Variants in PKP1 observed in about 807,000 individuals in gnomAD.
PKP1 encodes plakophilin 1.
In PKP1, 27 loss-of-function variants were observed where a neutral mutation model predicts 76.4. The observed-to-expected ratio is 0.35, with a 90% CI of 0.26 to 0.49. PKP1 has a LOEUF of 0.49. Ranked by LOEUF, PKP1 falls within the 20% of genes least tolerant of loss-of-function variation. The pLI is 0.99. For synonymous variants in PKP1, 404 were observed against 384.2 expected (o/e 1.05, Z -0.60); for missense variants, 964 against 955.2 (o/e 1.01, Z -0.12).
chr1:201,290,061 G>A (rs1163263074), intron 1 of PKP1, among the ~76,000 whole-genome samples: 1 of 152,112 alleles, frequency 6.6e-6, no homozygotes, highest in Non-Finnish European at 1.5e-5. Context: ...GTTTTGAGGC[G>A]AGAAAGCTTG....
chr1:201,305,107 T>G (rs761368955), intron 2 of PKP1, among the ~76,000 whole-genome samples: 1 of 152,148 alleles, frequency 6.6e-6, no homozygotes, highest in Non-Finnish European at 1.5e-5. Flanking sequence ...GGAGTGCATA[T>G]AGAAGTGTGT....
chr1:201,285,194 A>C (rs1393649900), intron 1 of PKP1, among the ~76,000 whole-genome samples: 1 of 151,278 alleles, frequency 6.6e-6, no homozygotes, highest in Non-Finnish European at 1.5e-5. Flanking sequence ...GGAAGGAGAC[A>C]AAAGAAACCG....
At chr1:201,317,877 C>T in intron 5 of PKP1, 98 bp downstream of exon 5, 1 of 1,167,346 alleles carries the variant, frequency 8.6e-7, no homozygotes, top group Non-Finnish European at 1.2e-6. Flanking sequence ...CCAGGCTGGG[C>T]CAAGACACAG....
intron 1 of PKP1, among the ~76,000 whole-genome samples, chr1:201,288,842 G>A (rs1655815663): frequency 6.6e-6 from 1 of 152,176 alleles, no homozygotes. Context: ...AGAGCAGCAG[G>A]ATTGTGGCAG....
At chr1:201,291,499 C>T (rs1466240107) in intron 1 of PKP1, among the ~76,000 whole-genome samples, 2 of 152,034 alleles carry the variant, frequency 1.3e-5, no homozygotes, top group Non-Finnish European at 2.9e-5. Flanking sequence ...CAGGGTGTGG[C>T]GGGAGGAGAT....
chr1:201,324,923 A>G lies in PKP1; in HGVS notation c.1835-18A>G, dbSNP rs1387438330. On this transcript the variant is annotated intron_variant, in intron 10 of 13. Coordinates refer to ENST00000367324, the MANE Select transcript of PKP1 (RefSeq NM_001005337.3). ...CCCAGTCATCCTGACCCTGTGCCCC[A>G]ACTCGTTCCTCTCCCAGGGAACCAG... 1 of 1,611,936 alleles carries G rather than the reference A, an allele frequency of 6.2e-7. No homozygotes were observed. Among genetic ancestry groups the G allele is most frequent in the Non-Finnish European group, 8.5e-7 (1 of 1,179,088 alleles).
rs551491705 is a variant in PKP1, at chr1:201,294,431, G to A, written c.306+386G>A. On this transcript the variant is annotated intron_variant, in intron 2 of 13. Transcript: ENST00000367324. ...AAAGGGTCATCTCTGTTCGTTCTGT[G>A]CCTATGGTCAAAGAGCCAAGAGAAC... is the stretch of plus-strand genomic sequence containing the variant. 7.2e-5 allele frequency among the ~76,000 whole-genome samples: 11 copies of A among 152,234 alleles called. No individual in the cohort carries two copies. The East Asian group carries it at 1.2e-3, about 16-fold the overall frequency.
intron 2 of PKP1, among the ~76,000 whole-genome samples, chr1:201,307,904 C>T (rs1656416541): frequency 6.6e-6 from 1 of 152,228 alleles, no homozygotes; most frequent in Non-Finnish European, 1.5e-5. Flanking sequence ...GAAGATGGCC[C>T]TGTTGGACAC....
chr1:201,319,784 C>T (rs1441584853), intron 6 of PKP1: 6 of 1,611,596 alleles, frequency 3.7e-6, no homozygotes, highest in Non-Finnish European at 4.2e-6. Flanking sequence ...ACTTCTGATC[C>T]AGCATCAACA....
chr1:201,306,205 G>A (rs558797616), intron 2 of PKP1, among the ~76,000 whole-genome samples: 3 of 152,206 alleles, frequency 2.0e-5, no homozygotes, highest in African/African-American at 4.8e-5. Flanking sequence ...GAAACATTTC[G>A]GAAAACCTGT....
At position 201,283,920 on chromosome 1, in the gene PKP1, C is replaced by G; in HGVS notation, c.202+16C>G. The G allele has an allele frequency of 6.2e-7, 1 of 1,610,456 alleles. No individual in the cohort carries two copies. The highest frequency in any genetic ancestry group is 8.5e-7 in the Non-Finnish European group (1 of 1,176,878). ...TCCAATCGAGGTAAAGGCTCGGCCC[C>G]CGCGTGGTCCGTGCGCCCCTTTCCA... On this transcript the variant is annotated intron_variant, in intron 1 of 13. Coordinates refer to ENST00000367324, the MANE Select transcript of PKP1 (RefSeq NM_001005337.3).
rs780919334 is a variant in PKP1, at chr1:201,283,681, G to GCGCCACC, written c.-17_-11dup. ...CTCTGCTCTCCTAGGCCCCGGCCGCGCGCCACCCGCCTCCCGCCACCATGA... is the reference window on the plus strand; with the variant it reads ...CTCTGCTCTCCTAGGCCCCGGCCGCGCGCCACCCGCCACCCGCCTCCCGCCACCATGA... On this transcript the variant is annotated 5_prime_UTR_variant, in exon 1 of 14. Coordinates refer to ENST00000367324, the MANE Select transcript of PKP1 (RefSeq NM_001005337.3). 6 of 1,608,516 alleles carry GCGCCACC rather than the reference G, an allele frequency of 3.7e-6. No homozygotes were observed. Among genetic ancestry groups the GCGCCACC allele is most frequent in the Non-Finnish European group, 5.1e-6 (6 of 1,177,064 alleles).
chr1:201,296,924 C>A (rs977194120), intron 2 of PKP1, among the ~76,000 whole-genome samples: 1 of 152,144 alleles, frequency 6.6e-6, no homozygotes, highest in African/African-American at 2.4e-5. Context: ...AATATCAAAC[C>A]ATTCTCAAAT....
chr1:201,326,388 C>T lies in PKP1; in HGVS notation c.2106+550C>T, dbSNP rs1010594894. 7.9e-5 allele frequency among the ~76,000 whole-genome samples: 12 copies of T among 152,240 alleles called. 1 individual carries two copies. Among genetic ancestry groups the T allele is most frequent in the African/African-American group, 2.9e-4 (12 of 41,474 alleles). On this transcript the variant is annotated intron_variant, in intron 12 of 13. Transcript: ENST00000367324. ...TCCTGTGGTGACCTTGGCCTCCTCT[C>T]TGTCCTCCACCCCTCCCCAGCTAGC...
At chr1:201,311,627 G>A (rs1048508569) in intron 2 of PKP1, among the ~76,000 whole-genome samples, 3 of 152,090 alleles carry the variant, frequency 2.0e-5, no homozygotes, top group Non-Finnish European at 1.5e-5. Context: ...CAGCTTGTGT[G>A]GCTAGATCTG....
intron 1 of PKP1, among the ~76,000 whole-genome samples, chr1:201,293,603 G>C (rs1655988953): frequency 2.0e-5 from 3 of 152,154 alleles, no homozygotes; most frequent in Admixed American, 6.5e-5. Flanking sequence ...ATGATTCCCT[G>C]GGCTGGAATG....
At chr1:201,305,115 T>A (rs1656337080) in intron 2 of PKP1, among the ~76,000 whole-genome samples, 2 of 152,086 alleles carry the variant, frequency 1.3e-5, no homozygotes, top group African/African-American at 4.8e-5. Flanking sequence ...TATAGAAGTG[T>A]GTGTCCGTGT....
At chr1:201,324,329 GT>G (rs1199366884) in intron 9 of PKP1, 98 bp from the exon 10 acceptor site, 1 of 1,262,052 alleles carries the variant, frequency 7.9e-7, no homozygotes, top group Non-Finnish European at 1.2e-6. Flanking sequence ...AAGAGAAAGG[GT>G]TCTGGGATGT....
rs189762395 is a variant in PKP1, at chr1:201,305,160, A to G, written c.307-8006A>G. 2.0e-5 allele frequency among the ~76,000 whole-genome samples: 3 copies of G among 152,230 alleles called. No homozygotes were observed. In the East Asian group the frequency reaches 5.8e-4, roughly 29 times the overall value. ...TGCATGCACGCATGCTTCTCTTCCA[A>G]AGGTGAGATCTCTTACCCAAGCACT... On this transcript the variant is annotated intron_variant, in intron 2 of 13. Coordinates refer to ENST00000367324, the MANE Select transcript of PKP1 (RefSeq NM_001005337.3).
Sources: gnomAD v4.1 joint callset for allele counts (sites outside exome capture counted in the v4.1 genomes callset) on GRCh38, gnomAD v4.1.1 for gene constraint, MANE v1.5 for transcripts, NCBI Gene and HGNC (gene_info 2026-07-23, HGNC 2026-07-21) for gene names.